GSKIP: variants seen among roughly 807,000 people sequenced by gnomAD.
The protein encoded by GSKIP is GSK3B-interacting protein.
In GSKIP, 5 loss-of-function variants were observed where a neutral mutation model predicts 11.9. That is an observed-to-expected ratio of 0.42 (90% CI 0.22 to 0.89). The LOEUF (loss-of-function observed/expected upper bound fraction) is 0.89, where lower values mean the gene tolerates loss of function less well. Ranked by LOEUF, GSKIP falls within the 40% of genes least tolerant of loss-of-function variation. The pLI is 0.29. For missense variants in GSKIP, 150 were observed against 166.6 expected, an observed-to-expected ratio of 0.90 and a Z score of 0.55; for synonymous variants, 70 against 62.9, an observed-to-expected ratio of 1.11 and a Z score of -0.54.
At chr14:96,379,228 C>T (rs1458586674) in intron 1 of GSKIP, among the ~76,000 whole-genome samples, 2 of 152,100 alleles carry the variant, frequency 1.3e-5, no homozygotes, top group Non-Finnish European at 2.9e-5. Context: ...CACTTGAAGC[C>T]GGGAGGCAGA....
rs1209817388 is a variant in GSKIP at position 96,387,189 on chromosome 14, G to A, written c.*1505G>A. On this transcript the variant is annotated 3_prime_UTR_variant, in exon 4 of 4. Transcript: ENST00000555181. The stretch of plus-strand genomic sequence containing the variant: ...AATGTAAATGATATTTGTAAAGTTT[G>A]AATAAAATTCTGTTTACTCATTTTG... 1 of 152,084 alleles carries A rather than the reference G, an allele frequency of 6.6e-6. No homozygotes were observed. The highest frequency in any genetic ancestry group is 1.5e-5 in the Non-Finnish European group (1 of 68,028). 9.4% of individuals were successfully genotyped at this position (152,084 alleles called of 1,614,324 possible).
chr14:96,371,708 A>G (rs773357861), intron 1 of GSKIP, among the ~76,000 whole-genome samples: 12 of 152,144 alleles, frequency 7.9e-5, no homozygotes, highest in Non-Finnish European at 1.8e-4. Flanking sequence ...CAGCCTCCCA[A>G]AGTGTTGGGA....
chr14:96,369,188 A>G (rs924172996), intron 1 of GSKIP, among the ~76,000 whole-genome samples: 1 of 152,252 alleles, frequency 6.6e-6, no homozygotes, highest in African/African-American at 2.4e-5. Flanking sequence ...AGTATCTGGT[A>G]GAAGAAATGT....
intron 1 of GSKIP, among the ~76,000 whole-genome samples, chr14:96,369,516 C>T (rs1888987315): frequency 6.6e-6 from 1 of 152,130 alleles, no homozygotes; most frequent in South Asian, 2.1e-4. Context: ...ACAGTCAAAG[C>T]CATGGGCGCA....
intron 3 of GSKIP, among the ~76,000 whole-genome samples, chr14:96,383,676 G>A (rs745967927): frequency 6.6e-6 from 1 of 152,160 alleles, no homozygotes; most frequent in African/African-American, 2.4e-5. Context: ...CGTGTATACT[G>A]TATATTCCTT....
chr14:96,363,725 C>G (rs960549469), intron 1 of GSKIP, 157 bp downstream of exon 1: 2 of 152,266 alleles, frequency 1.3e-5, no homozygotes, highest in Admixed American at 6.5e-5. Context: ...GCCCCGCGCC[C>G]GTGTTAAGAG....
Position 96,382,228 on chromosome 14 carries a change from CTTTTT to C in GSKIP, c.-1-9_-1-5del. The C allele has an allele frequency of 1.5e-6, 2 of 1,375,912 alleles. No individual in the cohort carries two copies. The highest frequency in any genetic ancestry group is 1.5e-5 in the African/African-American group (1 of 65,612). The allele number at this position is 1,375,912 out of a possible 1,614,324, so 85.2% of individuals were successfully genotyped here. On this transcript the variant is annotated splice_polypyrimidine_tract_variant and intron_variant, in intron 2 of 3. Transcript: ENST00000555181. ...TTTCTATAAACAAATTTTATAACTG[CTTTTT>C]TTTTTTTTTACAGAATGGAAACAGA...
At position 96,385,908 on chromosome 14, in the gene GSKIP, A is replaced by C. The variant is rs1177618505; in HGVS notation, c.*224A>C. ...GTTGCTATGATACCATCATTAAGAC[A>C]TTCACATGTCTTCATATAATATCTC... On this transcript the variant is annotated 3_prime_UTR_variant, in exon 4 of 4. Transcript: ENST00000555181. The C allele has an allele frequency of 2.2e-6, 1 of 453,046 alleles. No individual in the cohort carries two copies. Among genetic ancestry groups the C allele is most frequent in the African/African-American group, 2.0e-5 (1 of 49,994 alleles). The allele number at this position is 453,046 out of a possible 1,614,324, so 28.1% of individuals were successfully genotyped here. A position where few individuals can be genotyped will look rare whatever the true frequency, so the allele number is the denominator to read the frequency against.
intron 2 of GSKIP, 29 bp from the exon 3 acceptor site, chr14:96,382,218 T>C: frequency 6.6e-7 from 1 of 1,518,286 alleles, no homozygotes; most frequent in African/African-American, 1.4e-5. Context: ...ATAAACAAAT[T>C]TTATAACTGC....
At chr14:96,373,865 A>T (rs1239998441) in intron 1 of GSKIP, among the ~76,000 whole-genome samples, 3 of 152,192 alleles carry the variant, frequency 2.0e-5, no homozygotes, top group African/African-American at 4.8e-5. Context: ...TACTTTTTAA[A>T]TTTTTTCTCA....
chr14:96,373,749 A>G (rs1889119493), intron 1 of GSKIP, among the ~76,000 whole-genome samples: 1 of 152,240 alleles, frequency 6.6e-6, no homozygotes, highest in South Asian at 2.1e-4. Flanking sequence ...GTAATGGGAC[A>G]GAATTAACTA....
At chr14:96,374,384 A>G (rs1317528430) in intron 1 of GSKIP, among the ~76,000 whole-genome samples, 1 of 152,234 alleles carries the variant, frequency 6.6e-6, no homozygotes, top group African/African-American at 2.4e-5. Flanking sequence ...AAATTTGTTG[A>G]AAACTCTAAA....
Position 96,371,371 on chromosome 14 carries a change from A to G in GSKIP, c.-103+7803A>G, listed in dbSNP as rs148756754. Reference sequence around the variant, plus strand: ...TGCAATTTTTAAATTGTTTTTTCTTATTGAAAACATAATCATTTTCTTTTC... The same window carrying G: ...TGCAATTTTTAAATTGTTTTTTCTTGTTGAAAACATAATCATTTTCTTTTC... On this transcript the variant is annotated intron_variant, in intron 1 of 3. Coordinates refer to ENST00000555181, the MANE Select transcript of GSKIP (RefSeq NM_016472.5). 2.1e-3 allele frequency among the ~76,000 whole-genome samples: 319 copies of G among 152,096 alleles called. 3 individuals carry two copies. In the East Asian group the frequency reaches 0.036, roughly 17 times the overall value.
At position 96,382,764 on chromosome 14, in the gene GSKIP, A is replaced by T. The variant is rs75228127; in HGVS notation, c.258+259A>T. Reference sequence around the variant, plus strand: ...GTTTTAATCATGACCCCCAAAACTAATTTATTTCTCATCTATAGCTAAATG... The same window carrying T: ...GTTTTAATCATGACCCCCAAAACTATTTTATTTCTCATCTATAGCTAAATG... On this transcript the variant is annotated intron_variant, in intron 3 of 3. Coordinates refer to ENST00000555181, the MANE Select transcript of GSKIP (RefSeq NM_016472.5). Among the ~76,000 whole-genome samples, 724 of 152,288 alleles carry T rather than the reference A, an allele frequency of 4.8e-3. 4 individuals carry two copies. Among genetic ancestry groups the T allele is most frequent in the Non-Finnish European group, 8.5e-3 (575 of 68,016 alleles).
chr14:96,379,226 G>A (rs1889281436), intron 1 of GSKIP, among the ~76,000 whole-genome samples: 3 of 152,122 alleles, frequency 2.0e-5, no homozygotes, highest in Admixed American at 1.3e-4. Context: ...ATCACTTGAA[G>A]CCGGGAGGCA....
At chr14:96,373,448 C>G (rs1485681952) in intron 1 of GSKIP, among the ~76,000 whole-genome samples, 3 of 151,998 alleles carry the variant, frequency 2.0e-5, no homozygotes, top group Non-Finnish European at 4.4e-5. Flanking sequence ...CTCAATAATA[C>G]TTGATTTAGA....
intron 3 of GSKIP, among the ~76,000 whole-genome samples, chr14:96,385,313 T>C (rs561274001): frequency 3.3e-5 from 5 of 152,330 alleles, no homozygotes; most frequent in African/African-American, 9.6e-5. Flanking sequence ...ACATTATAAG[T>C]TGCTGAAGTA....
At chr14:96,375,796 G>C (rs1889185023) in intron 1 of GSKIP, among the ~76,000 whole-genome samples, 2 of 152,220 alleles carry the variant, frequency 1.3e-5, no homozygotes, top group Non-Finnish European at 2.9e-5. Flanking sequence ...CATTTGGAGA[G>C]GGCCTTCTTG....
chr14:96,382,348 G>A lies in GSKIP; in HGVS notation c.101G>A (p.Arg34Lys). The change falls in exon 3 of 4, where the codon AGG (arginine) becomes AAG (lysine). Residue 34 changes from arginine to lysine, a missense_variant. Transcript: ENST00000555181. ...GFEGTDMKDM[R>K]LEAEAVVNDV... ...GAAGGAACTGACATGAAAGACATGA[G>A]GCTCGAAGCTGAAGCAGTTGTAAAT... is the stretch of plus-strand genomic sequence containing the variant. 6.2e-7 allele frequency: 1 copy of A among 1,613,876 alleles called. No individual in the cohort carries two copies. The highest frequency in any genetic ancestry group is 8.5e-7 in the Non-Finnish European group (1 of 1,179,900).
Sources: allele counts gnomAD v4.1 joint callset (sites outside exome capture counted in the v4.1 genomes callset), GRCh38; gene constraint gnomAD v4.1.1; transcripts MANE v1.5; gene names NCBI Gene and HGNC (gene_info 2026-07-23, HGNC 2026-07-21).